Variants in GDA observed in about 807,000 individuals in gnomAD.
GDA encodes cytoplasmic PSD-95 interactor.
In GDA, 18 loss-of-function variants were observed where a neutral mutation model predicts 59.6. The ratio of observed to expected loss-of-function variants is 0.30; its 90% CI spans 0.21 to 0.45. GDA has a LOEUF of 0.45. Among genes scored for constraint, GDA ranks in the 20% least tolerant of loss-of-function variants. The pLI is 1.00. For synonymous variants in GDA, 201 were observed against 201.1 expected (o/e 1.00, Z 0.00); for missense variants, 427 against 552.3 (o/e 0.77, Z 2.27).
intron 1 of GDA, among the ~76,000 whole-genome samples, chr9:72,131,784 T>G (rs946755121): frequency 6.6e-6 from 1 of 152,174 alleles, no homozygotes. Context: ...AAAGTAACTG[T>G]GTCAAGAAAA....
chr9:72,258,058 C>T (rs958379951), downstream of GDA, among the ~76,000 whole-genome samples: 1 of 151,914 alleles, frequency 6.6e-6, no homozygotes, highest in Non-Finnish European at 1.5e-5. Flanking sequence ...TGCCTATAAT[C>T]CTGGCAGCTT....
intron 1 of GDA, among the ~76,000 whole-genome samples, chr9:72,133,308 A>AAATAAT (rs1554722433): frequency 1.1e-3 from 107 of 101,538 alleles, no homozygotes; most frequent in South Asian, 2.1e-3. Flanking sequence ...AAAAAAAAAA[A>AAATAAT]AATAATAATA....
chr9:72,149,718 C>A, intron 1 of GDA, 36 bp downstream of exon 1: 3 of 1,563,242 alleles, frequency 1.9e-6, no homozygotes, highest in Non-Finnish European at 1.7e-6. Context: ...CTCCGACGGG[C>A]GGGAGGATAG....
chr9:72,171,752 T>G (rs956152596), intron 1 of GDA, among the ~76,000 whole-genome samples: 10 of 152,158 alleles, frequency 6.6e-5, no homozygotes, highest in Non-Finnish European at 1.5e-4. Flanking sequence ...ATTATAATGT[T>G]ATTTTATAAC....
intron 1 of GDA, among the ~76,000 whole-genome samples, chr9:72,125,896 C>T (rs1357411243): frequency 3.3e-5 from 5 of 151,928 alleles, no homozygotes; most frequent in African/African-American, 7.3e-5. Context: ...GGAAGGTAAA[C>T]GACAGGTTCA....
chr9:72,241,204 G>A lies in GDA; in HGVS notation c.1041G>A (p.Val347=), dbSNP rs1323868581. 1 of 1,610,658 alleles carries A rather than the reference G, an allele frequency of 6.2e-7. No homozygotes were observed. Among genetic ancestry groups the A allele is most frequent in the South Asian group, 1.1e-5 (1 of 90,854 alleles). ...TGCTTGATGCAATCAGAAGAGCAGT[G>A]ATGGTTTCCAATATCCTTTTAATTA... ...YSMLDAIRRA[V]MVSNILLINK... is the part of the protein sequence containing the mutation. The change falls in exon 11 of 14, where the codon GTG becomes GTA. Residue 347 remains valine, a synonymous_variant. Coordinates refer to ENST00000358399, the MANE Select transcript of GDA (RefSeq NM_004293.5).
At chr9:72,172,795 A>G (rs1239267619) in intron 1 of GDA, among the ~76,000 whole-genome samples, 1 of 152,118 alleles carries the variant, frequency 6.6e-6, no homozygotes, top group Non-Finnish European at 1.5e-5. Context: ...CAATTACTCT[A>G]TTTTGAAACT....
At chr9:72,155,459 G>A (rs958160046) in intron 1 of GDA, among the ~76,000 whole-genome samples, 1 of 152,176 alleles carries the variant, frequency 6.6e-6, no homozygotes, top group Non-Finnish European at 1.5e-5. Context: ...GGACAGCATT[G>A]GAAGTAAAGA....
At chr9:72,223,001 C>T in intron 6 of GDA, 119 bp from the exon 7 acceptor site, 2 of 586,508 alleles carry the variant, frequency 3.4e-6, no homozygotes, top group East Asian at 3.0e-5. Flanking sequence ...AGCCACCACA[C>T]CTGGCCCTTC....
In GDA at chr9:72,249,396, A is replaced by G; in HGVS notation, c.*1054A>G. The G allele has an allele frequency of 1.0e-6, 1 of 961,448 alleles. No individual in the cohort carries two copies. Among genetic ancestry groups the G allele is most frequent in the Non-Finnish European group, 1.2e-6 (1 of 808,128 alleles). 59.6% of individuals were successfully genotyped at this position (961,448 alleles called of 1,614,324 possible). ...AAATCCTGTTAAAGAAATATTGTTA[A>G]AAATCTTTAAACCCTGTGTATTGAA... On this transcript the variant is annotated 3_prime_UTR_variant, in exon 14 of 14. Transcript: ENST00000358399.
chr9:72,125,948 G>A (rs138079914), intron 1 of GDA, among the ~76,000 whole-genome samples: 1 of 152,036 alleles, frequency 6.6e-6, no homozygotes, highest in Non-Finnish European at 1.5e-5. Flanking sequence ...ACAGAGTCTC[G>A]CTCTGTTGCC....
intron 1 of GDA, among the ~76,000 whole-genome samples, chr9:72,161,793 T>C (rs10869135): frequency 0.19 from 28,201 of 152,122 alleles, 2,936 homozygotes; most frequent in African/African-American, 0.29. Context: ...CTATCCATCA[T>C]AGTACTTTAC....
intron 8 of GDA, among the ~76,000 whole-genome samples, chr9:72,226,587 A>G (rs1229183476): frequency 3.3e-5 from 5 of 152,226 alleles, no homozygotes; most frequent in African/African-American, 4.8e-5. Context: ...TTGGCCTTCA[A>G]TGAAATGTAC....
chr9:72,177,786 T>C (rs1230662367), intron 1 of GDA, among the ~76,000 whole-genome samples: 2 of 152,244 alleles, frequency 1.3e-5, no homozygotes, highest in South Asian at 4.1e-4. Flanking sequence ...GAAGTTGTTT[T>C]TGCTGGTATC....
chr9:72,180,269 A>ATC (rs1831024148), intron 1 of GDA, among the ~76,000 whole-genome samples: 1 of 152,068 alleles, frequency 6.6e-6, no homozygotes, highest in Admixed American at 6.6e-5. Context: ...AGGCAAGAGA[A>ATC]TCGCTTGAAC....
At position 72,198,862 on chromosome 9, in the gene GDA, A is replaced by ATATATATATATATATATATATAT. The variant is rs1564025002; in HGVS notation, c.212+3274_212+3275insTATATATATATATATATATATAT. Among the ~76,000 whole-genome samples, 149 of 91,766 alleles carry ATATATATATATATATATATATAT rather than the reference A, an allele frequency of 1.6e-3. 6 individuals carry two copies. Among genetic ancestry groups the ATATATATATATATATATATATAT allele is most frequent in the African/African-American group, 5.5e-3 (142 of 25,778 alleles). 60.2% of individuals were successfully genotyped at this position (91,766 alleles called of 152,430 possible). Reference sequence around the variant, plus strand: ...ATATAGGGGGATATATATATATATAAAATTTTTTTTGCTCAGGTTATGATA... The same window carrying ATATATATATATATATATATATAT: ...ATATAGGGGGATATATATATATATAATATATATATATATATATATATATAATTTTTTTTGCTCAGGTTATGATA... On this transcript the variant is annotated intron_variant, in intron 2 of 13. Coordinates refer to ENST00000358399, the MANE Select transcript of GDA (RefSeq NM_004293.5).
Position 72,186,913 on chromosome 9 carries a change from G to A in GDA, c.124-8587G>A, listed in dbSNP as rs114058330. 6.4e-4 allele frequency among the ~76,000 whole-genome samples: 98 copies of A among 152,238 alleles called. 2 individuals carry two copies. Among genetic ancestry groups the A allele is most frequent in the African/African-American group, 2.2e-3 (92 of 41,542 alleles). On this transcript the variant is annotated intron_variant, in intron 1 of 13. Coordinates refer to ENST00000358399, the MANE Select transcript of GDA (RefSeq NM_004293.5). ...CTCCATTGGAACCCACAGGGCCATT[G>A]CACTTCCTCATCCTCCCTTCTCATG...
chr9:72,206,043 T>C (rs1447907344), intron 3 of GDA, among the ~76,000 whole-genome samples: 5 of 152,176 alleles, frequency 3.3e-5, no homozygotes, highest in Non-Finnish European at 5.9e-5. Flanking sequence ...AGATTACATA[T>C]CCGTTTTAAT....
rs1587613729 is a variant in GDA at position 72,200,281 on chromosome 9, C to T, written c.213-2290C>T. Among the ~76,000 whole-genome samples, 4 of 152,130 alleles carry T rather than the reference C, an allele frequency of 2.6e-5. No individual in the cohort carries two copies. In the South Asian group the frequency reaches 6.2e-4, roughly 24 times the overall value. On this transcript the variant is annotated intron_variant, in intron 2 of 13. Transcript: ENST00000358399. ...AAAGTGCTGGGATTACAGGCGTGAG[C>T]CACCGTGCCCAGCCTCCTCTCCTTC...
Sources: gnomAD v4.1 joint callset for allele counts (sites outside exome capture counted in the v4.1 genomes callset) on GRCh38, gnomAD v4.1.1 for gene constraint, MANE v1.5 for transcripts, NCBI Gene and HGNC (gene_info 2026-07-23, HGNC 2026-07-21) for gene names.